PRKN: variants seen among roughly 807,000 people sequenced by gnomAD.
PRKN encodes the protein E3 ubiquitin-protein ligase parkin.
PRKN carries 56 observed loss-of-function variants against 59.5 expected under a neutral mutation model. That is an observed-to-expected ratio of 0.94 (90% CI 0.76 to 1.18). PRKN has a LOEUF of 1.18. PRKN is among the 50% of genes most tolerant of loss of function. The pLI is 0.00. For missense variants in PRKN, 657 were observed against 596.4 expected (o/e 1.10, Z -1.06); for synonymous variants, 250 against 222.1 (o/e 1.13, Z -1.12).
At chr6:162,639,897 T>A (rs1415419178) in intron 1 of PRKN, among the ~76,000 whole-genome samples, 1 of 152,146 alleles carries the variant, frequency 6.6e-6, no homozygotes, top group Non-Finnish European at 1.5e-5. Context: ...TATGAAAGAT[T>A]AAGAATTTTC....
At chr6:162,120,384 T>A (rs1358797838) in intron 4 of PRKN, among the ~76,000 whole-genome samples, 2 of 152,200 alleles carry the variant, frequency 1.3e-5, no homozygotes, top group Non-Finnish European at 2.9e-5. Context: ...ATAGTCCTTG[T>A]CATCATCATT....
At chr6:162,350,486 T>C (rs538054136) in intron 2 of PRKN, among the ~76,000 whole-genome samples, 1 of 152,176 alleles carries the variant, frequency 6.6e-6, no homozygotes, top group South Asian at 2.1e-4. Flanking sequence ...TACAGACAAA[T>C]AGATCAATAG....
chr6:161,736,598 C>T (rs1787975679), intron 7 of PRKN, among the ~76,000 whole-genome samples: 1 of 152,168 alleles, frequency 6.6e-6, no homozygotes, highest in Non-Finnish European at 1.5e-5. Flanking sequence ...CCTTGTCAAC[C>T]AGGATTGTTG....
rs1017746504 is a variant in PRKN at position 161,442,111 on chromosome 6, C to T, written c.1084-55234G>A. 2.6e-5 allele frequency among the ~76,000 whole-genome samples: 4 copies of T among 152,198 alleles called. No homozygotes were observed. The highest frequency in any genetic ancestry group is 9.7e-5 in the African/African-American group (4 of 41,444). On this transcript the variant is annotated intron_variant, in intron 9 of 11. Transcript: ENST00000366898. The surrounding 1 kb of genome is among the most constrained non-coding windows in gnomAD (Gnocchi z 4.6). Reference sequence around the variant, plus strand: ...TTATTTTCATCCCTACTTTAATAAACATACATGTGCCAAGCTGGCTCTGAA... The same window carrying T: ...TTATTTTCATCCCTACTTTAATAAATATACATGTGCCAAGCTGGCTCTGAA...
rs34838356 is a variant in PRKN at position 162,414,726 on chromosome 6, A to AAAAAAAAAAAAAAAAAAAAAGT, written c.171+28583_171+28584insACTTTTTTTTTTTTTTTTTTTT. Among the ~76,000 whole-genome samples, 753 of 91,638 alleles carry AAAAAAAAAAAAAAAAAAAAAGT rather than the reference A, an allele frequency of 8.2e-3. 161 individuals carry two copies. Among genetic ancestry groups the AAAAAAAAAAAAAAAAAAAAAGT allele is most frequent in the Non-Finnish European group, 0.011 (516 of 47,844 alleles). The allele number at this position is 91,638 out of a possible 152,430, so 60.1% of individuals were successfully genotyped here. ...ACTCCGTCTCAAAAAAAAAAAAAAA[A>AAAAAAAAAAAAAAAAAAAAAGT]AGTGAATCTTTGAAGTTTTAAAATA... On this transcript the variant is annotated intron_variant, in intron 2 of 11. Coordinates refer to ENST00000366898, the MANE Select transcript of PRKN (RefSeq NM_004562.3).
chr6:162,309,233 T>C (rs1403362182), intron 2 of PRKN, among the ~76,000 whole-genome samples: 1 of 152,120 alleles, frequency 6.6e-6, no homozygotes, highest in East Asian at 1.9e-4. Context: ...TGATCTCAGC[T>C]GGCTCACTGC....
intron 9 of PRKN, among the ~76,000 whole-genome samples, chr6:161,507,640 C>A (rs1464660028): frequency 2.6e-5 from 4 of 152,256 alleles, no homozygotes; most frequent in Non-Finnish European, 2.9e-5. Context: ...AGCCCTTCCC[C>A]CTACCCTCCA....
rs568639019 is a variant in PRKN at position 161,554,376 on chromosome 6, C to T, written c.934-5373G>A. Among the ~76,000 whole-genome samples the T allele has an allele frequency of 6.7e-6, 1 of 150,098 alleles. No homozygotes were observed. Among genetic ancestry groups the T allele is most frequent in the Non-Finnish European group, 1.5e-5 (1 of 67,740 alleles). ...CCATTTCGAACTATGCTGTCTTTCT[C>T]TTAACCTTCATGTTATCTTACTTCT... On this transcript the variant is annotated intron_variant, in intron 8 of 11. Transcript: ENST00000366898. This position sits in a 1 kb window ranked among gnomAD's most constrained non-coding sequence, Gnocchi z 4.5.
At chr6:162,445,815 T>C (rs1943438886) in intron 1 of PRKN, among the ~76,000 whole-genome samples, 1 of 142,260 alleles carries the variant, frequency 7.0e-6, no homozygotes, top group Non-Finnish European at 1.5e-5. Context: ...GGGTGTGCAG[T>C]ACAAATAAAT....
chr6:161,663,866 C>T (rs1392512929), intron 7 of PRKN, among the ~76,000 whole-genome samples: 7 of 152,168 alleles, frequency 4.6e-5, no homozygotes, highest in African/African-American at 7.2e-5. Context: ...GAGCAGCCGC[C>T]GGGAGAGAGG....
chr6:161,394,836 T>C (rs973321163), intron 9 of PRKN, among the ~76,000 whole-genome samples: 32 of 152,186 alleles, frequency 2.1e-4, no homozygotes, highest in Admixed American at 2.0e-3. Context: ...GGGAATTAAC[T>C]ATCCAGTCTA....
chr6:162,116,077 A>G (rs1359983573), intron 4 of PRKN, among the ~76,000 whole-genome samples: 1 of 152,194 alleles, frequency 6.6e-6, no homozygotes, highest in African/African-American at 2.4e-5. Context: ...TTTGCAGATC[A>G]AATTTACCCT....
rs1054807447 is a variant in PRKN at position 161,456,051 on chromosome 6, G to A, written c.1084-69174C>T. Among the ~76,000 whole-genome samples, 4 of 152,098 alleles carry A rather than the reference G, an allele frequency of 2.6e-5. No individual in the cohort carries two copies. Among genetic ancestry groups the A allele is most frequent in the Admixed American group, 2.6e-4 (4 of 15,260 alleles). ...CCTAAGGAGAACGTTGGCCTCTAGG[G>A]GAAGCAAAGGGCTCCTGTGTTGTGA... On this transcript the variant is annotated intron_variant, in intron 9 of 11. Transcript: ENST00000366898. This position sits in a 1 kb window ranked among gnomAD's most constrained non-coding sequence, Gnocchi z 4.8.
At chr6:162,112,334 A>G (rs1780474690) in intron 4 of PRKN, among the ~76,000 whole-genome samples, 1 of 152,214 alleles carries the variant, frequency 6.6e-6, no homozygotes, top group Admixed American at 6.5e-5. Context: ...TAATAATTTT[A>G]TAGGTATTCA....
chr6:162,307,278 T>C (rs1159421774), intron 2 of PRKN, among the ~76,000 whole-genome samples: 1 of 151,512 alleles, frequency 6.6e-6, no homozygotes, highest in Non-Finnish European at 1.5e-5. Context: ...TGGGCGCCTA[T>C]AATCCCAGCT....
intron 1 of PRKN, among the ~76,000 whole-genome samples, chr6:162,538,355 T>A (rs1237811084): frequency 1.3e-5 from 2 of 152,070 alleles, no homozygotes; most frequent in African/African-American, 4.8e-5. Flanking sequence ...TGAGATTGTG[T>A]CACTGCACTG....
intron 1 of PRKN, among the ~76,000 whole-genome samples, chr6:162,576,695 C>T (rs1277069618): frequency 6.6e-6 from 1 of 151,002 alleles, no homozygotes; most frequent in African/African-American, 2.5e-5. Flanking sequence ...GCCTGTAGTC[C>T]CAGCTACTCA....
intron 1 of PRKN, chr6:162,569,617 G>T (rs533156881): frequency 4.2e-6 from 3 of 710,754 alleles, no homozygotes; most frequent in Non-Finnish European, 7.8e-6. Flanking sequence ...GCTCTGACAT[G>T]GGCTCCAGCT....
In PRKN at chr6:161,348,889, GA is replaced by G. The variant is rs200695402; in HGVS notation, c.*1209del. The G allele has an allele frequency of 2.4e-5, 5 of 204,728 alleles. No individual in the cohort carries two copies. Among genetic ancestry groups the G allele is most frequent in the East Asian group, 1.5e-4 (2 of 13,464 alleles). The allele number at this position is 204,728 out of a possible 1,614,324, so 12.7% of individuals were successfully genotyped here. On this transcript the variant is annotated 3_prime_UTR_variant, in exon 12 of 12. Coordinates refer to ENST00000366898, the MANE Select transcript of PRKN (RefSeq NM_004562.3). This position sits in a 1 kb window ranked among gnomAD's most constrained non-coding sequence, Gnocchi z 4.9. ...TCTTTTGATTGTGTTGTGAATGGCT[GA>G]AAAAAAAGCTGAAAGTTTGATTGAA...
Sources: gnomAD v4.1 joint callset for allele counts (sites outside exome capture counted in the v4.1 genomes callset) on GRCh38, gnomAD v4.1.1 for gene constraint, Gnocchi (gnomAD v3.1) non-coding constraint, MANE v1.5 for transcripts, NCBI Gene and HGNC (gene_info 2026-07-23, HGNC 2026-07-21) for gene names.